Variants in KDM4C observed in about 807,000 individuals in gnomAD.
KDM4C encodes lysine-specific demethylase 4C.
A neutral mutation model predicts 129.3 loss-of-function variants in KDM4C; 81 were observed. The ratio of observed to expected loss-of-function variants is 0.63; its 90% CI spans 0.52 to 0.75. KDM4C has a LOEUF of 0.75. Among genes scored for constraint, KDM4C ranks in the 30% least tolerant of loss-of-function variants. KDM4C has a pLI of 0.00. For synonymous variants in KDM4C, 573 were observed against 456.1 expected, an observed-to-expected ratio of 1.26 and a Z score of -3.26; for missense variants, 1,457 against 1,304.0, an observed-to-expected ratio of 1.12 and a Z score of -1.81.
chr9:6,832,027 A>G (rs1588568212), intron 4 of KDM4C, among the ~76,000 whole-genome samples: 1 of 152,302 alleles, frequency 6.6e-6, no homozygotes, highest in Non-Finnish European at 1.5e-5. Flanking sequence ...GTTATACTGT[A>G]TTATATACAG....
chr9:6,986,351 C>T lies in KDM4C; in HGVS notation c.1362C>T (p.Ser454=). ...LSDHIKLSGN[S]CLSTSVTEDI... Reference sequence around the variant, plus strand: ...CTTCTGTTTTATCCTCAGGAAACAGCTGCTTAAGTACATCTGTAACAGAAG... The same window carrying T: ...CTTCTGTTTTATCCTCAGGAAACAGTTGCTTAAGTACATCTGTAACAGAAG... Residue 454 remains serine, a synonymous_variant, in exon 11 of 22, where the codon AGC becomes AGT. Coordinates refer to ENST00000381309, the MANE Select transcript of KDM4C (RefSeq NM_015061.6). 1.2e-6 allele frequency: 2 copies of T among 1,604,168 alleles called. No individual in the cohort carries two copies. Among genetic ancestry groups the T allele is most frequent in the Non-Finnish European group, 8.5e-7 (1 of 1,172,322 alleles).
chr9:6,987,372 G>C lies in KDM4C; in HGVS notation c.1677+706G>C, dbSNP rs548848348. 2.8e-4 allele frequency among the ~76,000 whole-genome samples: 43 copies of C among 152,220 alleles called. No individual in the cohort carries two copies. In the South Asian group the frequency reaches 8.7e-3, roughly 31 times the overall value. ...TGGAAAATTGTACAATATTGTCCTT[G>C]TACAGTATTAATATTCCATATTCAG... On this transcript the variant is annotated intron_variant, in intron 11 of 21. Transcript: ENST00000381309.
At chr9:7,150,378 T>A (rs2130101077) in intron 19 of KDM4C, among the ~76,000 whole-genome samples, 1 of 152,314 alleles carries the variant, frequency 6.6e-6, no homozygotes, top group Non-Finnish European at 1.5e-5. Context: ...ACAGTTGATG[T>A]CCTGGGAGGG....
chr9:6,868,627 C>T (rs539613176), intron 5 of KDM4C, among the ~76,000 whole-genome samples: 146 of 152,142 alleles, frequency 9.6e-4, no homozygotes, highest in Middle Eastern at 3.4e-3. Flanking sequence ...GTTGTTATCC[C>T]GAATTGTTTA....
chr9:7,085,701 A>T (rs7022105), intron 17 of KDM4C, among the ~76,000 whole-genome samples: 1 of 152,042 alleles, frequency 6.6e-6, no homozygotes, highest in Non-Finnish European at 1.5e-5. Context: ...TGTTATGTTT[A>T]TCTTCTCAGA....
At chr9:6,802,823 T>A (rs1197828700) in intron 2 of KDM4C, among the ~76,000 whole-genome samples, 1 of 152,238 alleles carries the variant, frequency 6.6e-6, no homozygotes, top group African/African-American at 2.4e-5. Context: ...GCCAAGCTGA[T>A]CTTAAACTTC....
chr9:6,949,274 T>C (rs1272235195), intron 8 of KDM4C, among the ~76,000 whole-genome samples: 1 of 148,078 alleles, frequency 6.8e-6, no homozygotes, highest in Admixed American at 6.7e-5. Flanking sequence ...GAGGCGCTCC[T>C]CACATCCCAG....
intron 19 of KDM4C, among the ~76,000 whole-genome samples, chr9:7,157,838 A>T (rs1453256983): frequency 6.6e-6 from 1 of 152,166 alleles, no homozygotes; most frequent in Non-Finnish European, 1.5e-5. Flanking sequence ...TGTCTCTGCC[A>T]GGCTTTGGTA....
chr9:6,804,206 C>T (rs556691991), intron 2 of KDM4C, among the ~76,000 whole-genome samples: 1 of 152,340 alleles, frequency 6.6e-6, no homozygotes, highest in South Asian at 2.1e-4. Context: ...TAATTAAGTA[C>T]TTAAATACTG....
chr9:6,771,669 T>A lies in KDM4C; in HGVS notation c.-18+13466T>A, dbSNP rs565737737. Among the ~76,000 whole-genome samples the A allele has an allele frequency of 2.6e-4, 39 of 152,320 alleles. 1 individual carries two copies. Among genetic ancestry groups the A allele is most frequent in the African/African-American group, 8.9e-4 (37 of 41,570 alleles). On this transcript the variant is annotated intron_variant, in intron 1 of 21. Coordinates refer to ENST00000381309, the MANE Select transcript of KDM4C (RefSeq NM_015061.6). ...TGAAACTAAGGATGAGTAGTCTCCA[T>A]GGCCTCCCATGAGTCCTTCTGATAG...
At chr9:7,009,472 A>T (rs1652680345) in intron 12 of KDM4C, among the ~76,000 whole-genome samples, 1 of 152,014 alleles carries the variant, frequency 6.6e-6, no homozygotes, top group Non-Finnish European at 1.5e-5. Flanking sequence ...TTTTTCACAG[A>T]TTTAATAAAA....
chr9:6,970,361 G>A (rs1377903158), intron 8 of KDM4C, among the ~76,000 whole-genome samples: 1 of 152,162 alleles, frequency 6.6e-6, no homozygotes, highest in Admixed American at 6.5e-5. Context: ...CTTGGTCACT[G>A]TAATTGTACC....
chr9:6,803,426 C>T (rs1288430479), intron 2 of KDM4C, among the ~76,000 whole-genome samples: 13 of 151,816 alleles, frequency 8.6e-5, no homozygotes, highest in South Asian at 2.1e-4. Flanking sequence ...AAAAATTAGC[C>T]GGGCATGGTG....
intron 17 of KDM4C, among the ~76,000 whole-genome samples, chr9:7,054,359 G>A (rs920345984): frequency 2.6e-5 from 4 of 151,834 alleles, no homozygotes; most frequent in African/African-American, 9.7e-5. Flanking sequence ...TGATTGATTG[G>A]CCGTAGTCAT....
chr9:6,797,583 T>C (rs1346445080), intron 2 of KDM4C, among the ~76,000 whole-genome samples: 1 of 152,196 alleles, frequency 6.6e-6, no homozygotes, highest in Non-Finnish European at 1.5e-5. Context: ...ATGAACTTTT[T>C]TTATATATGA....
chr9:6,731,497 ATTTT>A (rs976662493), intron 1 of KDM4C, among the ~76,000 whole-genome samples: 1 of 150,472 alleles, frequency 6.6e-6, no homozygotes, highest in Non-Finnish European at 1.5e-5. Flanking sequence ...CACCCAGCTA[ATTTT>A]TTTTTGTATT....
Position 6,965,200 on chromosome 9 carries a change from A to G in KDM4C, c.922-15725A>G, listed in dbSNP as rs981055369. Among the ~76,000 whole-genome samples the G allele has an allele frequency of 5.3e-5, 8 of 151,992 alleles. 1 individual carries two copies. Among genetic ancestry groups the G allele is most frequent in the Non-Finnish European group, 2.9e-5 (2 of 68,018 alleles). The stretch of plus-strand genomic sequence containing the variant: ...AGAGAAACGTGGCTCTGGCTGTGTA[A>G]GCATAGGAAGCCTTGAGCTTAACAC... On this transcript the variant is annotated intron_variant, in intron 8 of 21. Transcript: ENST00000381309.
intron 15 of KDM4C, among the ~76,000 whole-genome samples, chr9:7,018,906 G>A (rs1275824255): frequency 6.6e-6 from 1 of 152,166 alleles, no homozygotes; most frequent in African/African-American, 2.4e-5. Flanking sequence ...TTGAAACTAT[G>A]TAAATCTCTG....
chr9:6,753,868 C>CTTTTTTTTTTTTTT (rs869158656), upstream of KDM4C, among the ~76,000 whole-genome samples: 1 of 80,368 alleles, frequency 1.2e-5, no homozygotes. Flanking sequence ...TCATTGAATT[C>CTTTTTTTTTTTTTT]TTTTTTTTTT....
Sources: gnomAD v4.1 joint callset for allele counts (sites outside exome capture counted in the v4.1 genomes callset) on GRCh38, gnomAD v4.1.1 for gene constraint, MANE v1.5 for transcripts, NCBI Gene and HGNC (gene_info 2026-07-23, HGNC 2026-07-21) for gene names.